Variants in UVSSA observed in about 807,000 individuals in gnomAD.
The protein encoded by UVSSA is UV-stimulated scaffold protein A.
In UVSSA, 72 loss-of-function variants were observed where a neutral mutation model predicts 73.9. That is an observed-to-expected ratio of 0.97 (90% CI 0.81 to 1.19). UVSSA has a LOEUF of 1.19. Ranked by LOEUF, UVSSA falls within the 50% of genes most tolerant of loss-of-function variation. The probability of loss-of-function intolerance (pLI) is 0.00; values close to 1 mark genes in which losing one functional copy is unlikely to be tolerated. For missense variants in UVSSA, 1,150 were observed against 965.0 expected, an observed-to-expected ratio of 1.19 and a Z score of -2.54; for synonymous variants, 454 against 391.3, an observed-to-expected ratio of 1.16 and a Z score of -1.89.
Position 1,356,374 on chromosome 4 carries a change from C to G in UVSSA, c.1176+1129C>G, listed in dbSNP as rs562286251. On this transcript the variant is annotated intron_variant, in intron 7 of 13. Transcript: ENST00000389851. ...CGTCCCCAACGTGGTGGTGTGCAGC[C>G]CCCCCAGGGGCCAGCAGAGGGCGAG... Among the ~76,000 whole-genome samples, 13 of 152,240 alleles carry G rather than the reference C, an allele frequency of 8.5e-5. No homozygotes were observed. The East Asian group carries it at 1.2e-3, about 14-fold the overall frequency.
chr4:1,355,363 C>G, intron 7 of UVSSA, 118 bp downstream of exon 7: 1 of 1,027,288 alleles, frequency 9.7e-7, no homozygotes, highest in South Asian at 1.6e-5. Flanking sequence ...ACACCCCAAG[C>G]CCACTCAGCC....
upstream of UVSSA, among the ~76,000 whole-genome samples, chr4:1,345,868 G>GT (rs1310425094): frequency 6.6e-6 from 1 of 152,102 alleles, no homozygotes; most frequent in Admixed American, 6.5e-5. Flanking sequence ...ATGAGAACTA[G>GT]TAACAACAAA....
At chr4:1,369,115 A>ACGTTCTGC (rs112656207) in intron 8 of UVSSA, among the ~76,000 whole-genome samples, 33 of 152,182 alleles carry the variant, frequency 2.2e-4, no homozygotes, top group South Asian at 1.4e-3. Flanking sequence ...AGGGCTAACC[A>ACGTTCTGC]CGTTCTGCCG....
At position 1,347,714 on chromosome 4, in the gene UVSSA, C is replaced by T. The variant is rs988054234; in HGVS notation, c.-49C>T. 2 of 177,420 alleles carry T rather than the reference C, an allele frequency of 1.1e-5. No individual in the cohort carries two copies. Among genetic ancestry groups the T allele is most frequent in the African/African-American group, 4.8e-5 (2 of 41,950 alleles). The allele number at this position is 177,420 out of a possible 1,614,324, so 11.0% of individuals were successfully genotyped here. A position where few individuals can be genotyped will look rare whatever the true frequency, so the allele number is the denominator to read the frequency against. On this transcript the variant is annotated 5_prime_UTR_variant, in exon 1 of 14. Coordinates refer to ENST00000389851, the MANE Select transcript of UVSSA (RefSeq NM_020894.4). ...TCATTGGTCTCAGAATTTCTTGGCT[C>T]CTCTTGGCCTCTGCAGCCTTGCTGG...
chr4:1,380,593 C>T, intron 11 of UVSSA: 3 of 1,437,636 alleles, frequency 2.1e-6, no homozygotes, highest in Non-Finnish European at 2.8e-6. Flanking sequence ...GGCAGCTGGG[C>T]ATGGTGCAGG....
At chr4:1,388,857 G>C (rs1379397131), downstream of UVSSA, 1 of 152,122 alleles carries the variant, frequency 6.6e-6, no homozygotes, top group Non-Finnish European at 1.5e-5. Flanking sequence ...TGGTTTGCTA[G>C]GATTTTGCAT....
At chr4:1,373,985 G>C (rs1210902183) in intron 8 of UVSSA, among the ~76,000 whole-genome samples, 1 of 152,220 alleles carries the variant, frequency 6.6e-6, no homozygotes, top group Admixed American at 6.5e-5. Flanking sequence ...GCGTGGCATG[G>C]GCTGTGCACC....
intron 7 of UVSSA, among the ~76,000 whole-genome samples, chr4:1,362,991 C>T (rs1577327325): frequency 6.6e-6 from 1 of 152,218 alleles, no homozygotes; most frequent in East Asian, 1.9e-4. Context: ...CCGCACTGTG[C>T]GTCTGTGGGT....
rs182881806 is a variant in UVSSA at position 1,349,683 on chromosome 4, C to G, written c.258C>G (p.Phe86Leu). The change falls in exon 3 of 14, where the codon TTC becomes TTG. Residue 86 changes from phenylalanine (F) to leucine (L), a missense_variant. Coordinates refer to ENST00000389851, the MANE Select transcript of UVSSA (RefSeq NM_020894.4). Reference sequence around the variant, plus strand: ...TGGTTGTTTCCAACTTCCAGGAGTTCCTGGAGCTCACGCTGGGCACAGACC... The same window carrying G: ...TGGTTGTTTCCAACTTCCAGGAGTTGCTGGAGCTCACGCTGGGCACAGACC... ...RMLVVSNFQE[F>L]LELTLGTDPA... 6.2e-7 allele frequency: 1 copy of G among 1,614,008 alleles called. No homozygotes were observed. The highest frequency in any genetic ancestry group is 2.2e-5 in the East Asian group (1 of 44,880).
chr4:1,378,836 C>T (rs1436092856), intron 10 of UVSSA, among the ~76,000 whole-genome samples: 1 of 152,250 alleles, frequency 6.6e-6, no homozygotes, highest in Non-Finnish European at 1.5e-5. Flanking sequence ...TGGCCAGGTG[C>T]TCTTCAGCCC....
exon 14 of UVSSA, chr4:1,394,318 T>C (rs903382096): frequency 3.2e-5 from 33 of 1,017,450 alleles, no homozygotes; most frequent in Non-Finnish European, 4.5e-5. Flanking sequence ...TTCTAAGTTT[T>C]GTGTTCTACT....
intron 13 of UVSSA, 97 bp downstream of exon 13, chr4:1,384,037 G>C: frequency 7.3e-7 from 1 of 1,371,236 alleles, no homozygotes; most frequent in Non-Finnish European, 9.6e-7. Flanking sequence ...CCAGGGACTT[G>C]GGGCCTCCAG....
Position 1,368,404 on chromosome 4 carries a change from C to G in UVSSA, c.1288+1973C>G, listed in dbSNP as rs141094661. 5.0e-3 allele frequency among the ~76,000 whole-genome samples: 765 copies of G among 152,362 alleles called. 1 individual carries two copies. Among genetic ancestry groups the G allele is most frequent in the South Asian group, 0.01 (49 of 4,832 alleles). ...AGCAAGGCCAGAAGCGAAACTCAAA[C>G]GAGGTGACTTTCCCCAAAGAACAGA... On this transcript the variant is annotated intron_variant, in intron 8 of 13. Coordinates refer to ENST00000389851, the MANE Select transcript of UVSSA (RefSeq NM_020894.4).
At chr4:1,355,377 G>A in intron 7 of UVSSA, 132 bp downstream of exon 7, 1 of 877,524 alleles carries the variant, frequency 1.1e-6, no homozygotes. Flanking sequence ...CTCAGCCTCA[G>A]CAGGACCTGC....
intron 7 of UVSSA, among the ~76,000 whole-genome samples, chr4:1,362,486 C>T (rs894917471): frequency 3.3e-5 from 5 of 152,208 alleles, no homozygotes; most frequent in South Asian, 2.1e-4. Flanking sequence ...GCTGCCAGGT[C>T]GGGGTAAAAG....
In UVSSA at chr4:1,353,117, A is replaced by G. The variant is rs1715051152; in HGVS notation, c.638A>G (p.Glu213Gly). Residue 213 changes from glutamate (E) to glycine (G), a missense_variant, in exon 5 of 14, where the codon GAG becomes GGG. Transcript: ENST00000389851. ...LVPFDFDPNPETESLGMASGM... is the reference protein window; with the variant it reads ...LVPFDFDPNPGTESLGMASGM... ...CCTTTTGACTTTGACCCGAACCCGGAGACGGAATCCCTTGGCATGGCTTCT... is the reference window on the plus strand; with the variant it reads ...CCTTTTGACTTTGACCCGAACCCGGGGACGGAATCCCTTGGCATGGCTTCT... 1 of 1,613,058 alleles carries G rather than the reference A, an allele frequency of 6.2e-7. No individual in the cohort carries two copies. The highest frequency in any genetic ancestry group is 8.5e-7 in the Non-Finnish European group (1 of 1,180,014).
intron 5 of UVSSA, among the ~76,000 whole-genome samples, chr4:1,353,614 A>C (rs561950822): frequency 6.6e-6 from 1 of 152,238 alleles, no homozygotes; most frequent in Admixed American, 6.5e-5. Context: ...CTCTGTGGCC[A>C]CAGGGACACT....
chr4:1,343,549 C>T (rs965089688), upstream of UVSSA, among the ~76,000 whole-genome samples: 1 of 152,126 alleles, frequency 6.6e-6, no homozygotes, highest in Non-Finnish European at 1.5e-5. Flanking sequence ...TAAGGTATTG[C>T]CACCTCCAGG....
At chr4:1,372,772 G>GA (rs1718250362) in intron 8 of UVSSA, among the ~76,000 whole-genome samples, 3 of 26,036 alleles carry the variant, frequency 1.2e-4, no homozygotes, top group East Asian at 7.4e-4. Flanking sequence ...CCGCGTCTCA[G>GA]GGCACTCACC....
Sources: gnomAD v4.1 joint callset for allele counts (sites outside exome capture counted in the v4.1 genomes callset) on GRCh38, gnomAD v4.1.1 for gene constraint, MANE v1.5 for transcripts, NCBI Gene and HGNC (gene_info 2026-07-23, HGNC 2026-07-21) for gene names.